Variants in ULK4 observed in about 807,000 individuals in gnomAD.
The protein encoded by ULK4 is inactive serine/threonine-protein kinase ULK4.
Under a neutral mutation model 160.6 loss-of-function variants are expected in ULK4, and 133 were observed. That is an observed-to-expected ratio of 0.83 (90% CI 0.72 to 0.96). The LOEUF is 0.96. Ranked by LOEUF, ULK4 falls within the 40% of genes least tolerant of loss-of-function variation. ULK4 has a pLI of 0.00. For missense variants in ULK4, 1,580 were observed against 1,499.5 expected, an observed-to-expected ratio of 1.05 and a Z score of -0.89; for synonymous variants, 534 against 539.8, an observed-to-expected ratio of 0.99 and a Z score of 0.15.
chr3:41,744,461 C>A (rs1227571977), intron 22 of ULK4, among the ~76,000 whole-genome samples: 1 of 151,850 alleles, frequency 6.6e-6, no homozygotes, highest in Non-Finnish European at 1.5e-5. Context: ...CAAAGATGGA[C>A]TTACATTATG....
At position 41,762,846 on chromosome 3, in the gene ULK4, T is replaced by G. The variant is rs1261892401; in HGVS notation, c.2194-8358A>C. Among the ~76,000 whole-genome samples the G allele has an allele frequency of 2.0e-5, 3 of 151,936 alleles. No homozygotes were observed. In the East Asian group the frequency reaches 5.8e-4, roughly 29 times the overall value. On this transcript the variant is annotated intron_variant, in intron 21 of 36. Transcript: ENST00000301831. The stretch of plus-strand genomic sequence containing the variant: ...TCCCACTAATTTTTTTCTGTATTTT[T>G]AGTAGAGACAGGGTTTCACTGTTAG...
rs144061475 is a variant in ULK4, at chr3:41,565,253, T to C, written c.3226+772A>G. Among the ~76,000 whole-genome samples the C allele has an allele frequency of 4.9e-4, 75 of 152,342 alleles. 1 individual carries two copies. In the East Asian group the frequency reaches 0.012, roughly 24 times the overall value. ...ATGACTGTACATGATTTTTAGAATT[T>C]TAACAGTACAGAAATGCATAAGATA... On this transcript the variant is annotated intron_variant, in intron 32 of 36. Coordinates refer to ENST00000301831, the MANE Select transcript of ULK4 (RefSeq NM_017886.4).
At chr3:41,825,716 C>A (rs887228829) in intron 18 of ULK4, among the ~76,000 whole-genome samples, 2 of 152,142 alleles carry the variant, frequency 1.3e-5, no homozygotes, top group Non-Finnish European at 2.9e-5. Flanking sequence ...GAGAATGGAA[C>A]CAAGCTGGAA....
chr3:41,285,568 A>G (rs1156377623), intron 35 of ULK4, among the ~76,000 whole-genome samples: 2 of 152,164 alleles, frequency 1.3e-5, no homozygotes, highest in Admixed American at 1.3e-4. Context: ...AGAATGATAC[A>G]ATGGACTTTG....
intron 30 of ULK4, among the ~76,000 whole-genome samples, chr3:41,653,657 G>C (rs1009864122): frequency 1.3e-5 from 2 of 152,286 alleles, no homozygotes; most frequent in South Asian, 2.1e-4. Flanking sequence ...AAAGTGTCCA[G>C]AAGTAAGTAT....
chr3:41,892,011 G>A (rs1366371409), intron 16 of ULK4, among the ~76,000 whole-genome samples: 1 of 152,136 alleles, frequency 6.6e-6, no homozygotes, highest in Non-Finnish European at 1.5e-5. Flanking sequence ...ATTTATGATG[G>A]ATGAGCATTT....
chr3:41,604,400 T>TTTGAGAATA (rs2032266904), intron 31 of ULK4, among the ~76,000 whole-genome samples: 1 of 152,114 alleles, frequency 6.6e-6, no homozygotes, highest in Admixed American at 6.5e-5. Context: ...TCCTGTATTA[T>TTTGAGAATA]TTGAGAATAT....
At position 41,459,213 on chromosome 3, in the gene ULK4, G is replaced by A. The variant is rs142903339; in HGVS notation, c.3394-3618C>T. Among the ~76,000 whole-genome samples the A allele has an allele frequency of 4.9e-3, 749 of 151,698 alleles. 9 individuals are homozygous for A. Among genetic ancestry groups the A allele is most frequent in the African/African-American group, 0.013 (542 of 41,346 alleles). On this transcript the variant is annotated intron_variant, in intron 33 of 36. Coordinates refer to ENST00000301831, the MANE Select transcript of ULK4 (RefSeq NM_017886.4). Reference sequence around the variant, plus strand: ...ACTACAGGTGTGTGCCACCACACCCGGCTAATTTATTTTTTTATTTTTTTT... The same window carrying A: ...ACTACAGGTGTGTGCCACCACACCCAGCTAATTTATTTTTTTATTTTTTTT...
intron 25 of ULK4, among the ~76,000 whole-genome samples, chr3:41,706,900 T>TATATATAGAGAG (rs369390361): frequency 6.6e-5 from 9 of 136,440 alleles, no homozygotes; most frequent in African/African-American, 2.6e-4. Flanking sequence ...TATATATATA[T>TATATATAGAGAG]AGAGAGAGAG....
intron 32 of ULK4, among the ~76,000 whole-genome samples, chr3:41,560,400 A>G (rs934158898): frequency 6.6e-6 from 1 of 152,216 alleles, no homozygotes; most frequent in Non-Finnish European, 1.5e-5. Context: ...CTCTGTGAAG[A>G]AAGACATTGG....
chr3:41,801,494 G>GA (rs946222861), intron 19 of ULK4, among the ~76,000 whole-genome samples: 1 of 145,914 alleles, frequency 6.9e-6, no homozygotes, highest in Non-Finnish European at 1.5e-5. Context: ...AAGAAACAAA[G>GA]AAAAATGACA....
At chr3:41,587,002 G>A (rs1021045858) in intron 31 of ULK4, among the ~76,000 whole-genome samples, 2 of 152,210 alleles carry the variant, frequency 1.3e-5, no homozygotes, top group African/African-American at 2.4e-5. Context: ...CAGGCTCAAC[G>A]GGTTCTCTAC....
At chr3:41,582,421 G>C (rs567772837) in intron 31 of ULK4, among the ~76,000 whole-genome samples, 1 of 152,070 alleles carries the variant, frequency 6.6e-6, no homozygotes, top group Non-Finnish European at 1.5e-5. Context: ...GAATTCGGGG[G>C]ATTAAAAACA....
chr3:41,564,029 C>G (rs1559397828), intron 32 of ULK4, among the ~76,000 whole-genome samples: 1 of 152,000 alleles, frequency 6.6e-6, no homozygotes, highest in Non-Finnish European at 1.5e-5. Flanking sequence ...TATTGGTGAC[C>G]TATAGATAGG....
At chr3:41,338,068 C>T (rs1367073884) in intron 35 of ULK4, among the ~76,000 whole-genome samples, 3 of 152,214 alleles carry the variant, frequency 2.0e-5, no homozygotes, top group Non-Finnish European at 4.4e-5. Flanking sequence ...TTTATGTTCA[C>T]CTTCAAAATA....
chr3:41,564,484 G>T (rs1403375485), intron 32 of ULK4, among the ~76,000 whole-genome samples: 3 of 106,478 alleles, frequency 2.8e-5, no homozygotes, highest in East Asian at 6.4e-4. Context: ...TTGAGACAGT[G>T]TCTCACTCTT....
chr3:41,318,195 T>C (rs1202412470), intron 35 of ULK4, among the ~76,000 whole-genome samples: 1 of 152,134 alleles, frequency 6.6e-6, no homozygotes, highest in African/African-American at 2.4e-5. Flanking sequence ...CCATGAATGT[T>C]GTGAGAAATA....
chr3:41,793,938 G>C (rs561032817), intron 20 of ULK4, among the ~76,000 whole-genome samples: 1 of 152,200 alleles, frequency 6.6e-6, no homozygotes, highest in Non-Finnish European at 1.5e-5. Context: ...TTTAAGAGCT[G>C]CAAGGACTAG....
rs7613071 is a variant in ULK4, at chr3:41,384,357, T to C, written c.3678+13722A>G. Among the ~76,000 whole-genome samples the C allele has an allele frequency of 6.7e-3, 1,011 of 152,020 alleles. 4 individuals are homozygous for C. The highest frequency in any genetic ancestry group is 0.015 in the African/African-American group (621 of 41,466). On this transcript the variant is annotated intron_variant, in intron 35 of 36. Transcript: ENST00000301831. ...TTCTAGATTAAAAGAGACAAGGAAA[T>C]AATAAATTCAGTATGCGAGCCTTGG...
Sources: gnomAD v4.1 joint callset for allele counts (sites outside exome capture counted in the v4.1 genomes callset) on GRCh38, gnomAD v4.1.1 for gene constraint, MANE v1.5 for transcripts, NCBI Gene and HGNC (gene_info 2026-07-23, HGNC 2026-07-21) for gene names.